ADAD1: variants seen among roughly 807,000 people sequenced by gnomAD.
ADAD1 encodes the protein adenosine deaminase domain-containing protein 1.
In ADAD1, 46 loss-of-function variants were observed where a neutral mutation model predicts 66.8. The ratio of observed to expected loss-of-function variants is 0.69; its 90% CI spans 0.54 to 0.88. The LOEUF (loss-of-function observed/expected upper bound fraction) is 0.88, where lower values mean the gene tolerates loss of function less well. ADAD1 is among the 40% of genes least tolerant of loss of function. The pLI is 0.00. For synonymous variants in ADAD1, 248 were observed against 229.4 expected (o/e 1.08, Z -0.73); for missense variants, 617 against 681.8 (o/e 0.91, Z 1.06).
chr4:122,396,752 T>A (rs1795737643), intron 7 of ADAD1, among the ~76,000 whole-genome samples: 1 of 152,218 alleles, frequency 6.6e-6, no homozygotes, highest in Non-Finnish European at 1.5e-5. Context: ...TGTTTTTATC[T>A]TGTGTTAACG....
chr4:122,423,553 T>C (rs1797105449), intron 12 of ADAD1, among the ~76,000 whole-genome samples: 3 of 152,186 alleles, frequency 2.0e-5, no homozygotes, highest in Admixed American at 2.0e-4. Flanking sequence ...GCTTAATGTG[T>C]TGATTTCTTA....
chr4:122,384,343 G>C (rs984284952), intron 5 of ADAD1, among the ~76,000 whole-genome samples: 11 of 152,136 alleles, frequency 7.2e-5, no homozygotes, highest in Non-Finnish European at 7.3e-5. Flanking sequence ...TCAGTAAATG[G>C]TAGAATTACT....
At chr4:122,388,369 A>G (rs536719321) in intron 5 of ADAD1, among the ~76,000 whole-genome samples, 1 of 152,310 alleles carries the variant, frequency 6.6e-6, no homozygotes, top group Non-Finnish European at 1.5e-5. Context: ...TATCAGGATG[A>G]TGCTGGCTTC....
intron 7 of ADAD1, among the ~76,000 whole-genome samples, chr4:122,402,638 A>C (rs1796031783): frequency 1.3e-5 from 2 of 151,928 alleles, no homozygotes; most frequent in Admixed American, 1.3e-4. Context: ...CATAGTTATT[A>C]TGTTTAGTCA....
At chr4:122,413,998 T>C (rs1363069044) in intron 10 of ADAD1, among the ~76,000 whole-genome samples, 4 of 150,140 alleles carry the variant, frequency 2.7e-5, no homozygotes, top group Non-Finnish European at 5.9e-5. Context: ...TTTTCAATTA[T>C]ATGGTATAAT....
Position 122,393,650 on chromosome 4 carries a change from A to G in ADAD1, c.591A>G (p.Val197=), listed in dbSNP as rs755615372. The change falls in exon 6 of 13, where the codon GTA becomes GTG. Residue 197 remains valine, a synonymous_variant. Transcript: ENST00000296513. ...CTGAACTAGCATATGTTTCAAAAGT[A>G]CATTATGGTAGGAAAGTTTTTTGTG... ...VLSELAYVSK[V]HYEGRHIQYA... is the part of the protein sequence containing the mutation. 4 of 1,595,482 alleles carry G rather than the reference A, an allele frequency of 2.5e-6. No individual in the cohort carries two copies. Among genetic ancestry groups the G allele is most frequent in the Admixed American group, 1.8e-5 (1 of 56,976 alleles).
chr4:122,380,487 C>A, intron 3 of ADAD1: 1 of 483,638 alleles, frequency 2.1e-6, no homozygotes, highest in Non-Finnish European at 3.6e-6. Flanking sequence ...GTGTGGCTTG[C>A]CTTTCTGAGG....
At chr4:122,411,502 TC>T in intron 9 of ADAD1, 110 bp downstream of exon 9, 1 of 1,144,574 alleles carries the variant, frequency 8.7e-7, no homozygotes, top group South Asian at 1.6e-5. Context: ...TATTTTCTCT[TC>T]AGCTTTGAGT....
Position 122,415,531 on chromosome 4 carries a change from G to C in ADAD1, c.1402G>C (p.Glu468Gln), listed in dbSNP as rs1796691231. 1 of 1,613,896 alleles carries C rather than the reference G, an allele frequency of 6.2e-7. No individual in the cohort carries two copies. The highest frequency in any genetic ancestry group is 8.5e-7 in the Non-Finnish European group (1 of 1,179,852). ...TGCATATCCCCTTCAAATGAACTTGGAATATAAATTTCTGAGTCTGAATTG... is the reference window on the plus strand; with the variant it reads ...TGCATATCCCCTTCAAATGAACTTGCAATATAAATTTCTGAGTCTGAATTG... ...PSAYPLQMNLEYKFLSLNWAQ... is the reference protein window; with the variant it reads ...PSAYPLQMNLQYKFLSLNWAQ... Residue 468 changes from glutamate to glutamine, a missense_variant, in exon 11 of 13, where the codon GAA becomes CAA. Glu to Gln is a conservative substitution (Grantham distance 29). Coordinates refer to ENST00000296513, the MANE Select transcript of ADAD1 (RefSeq NM_139243.4).
chr4:122,427,714 T>G (rs1179906901), intron 12 of ADAD1, among the ~76,000 whole-genome samples: 1 of 151,632 alleles, frequency 6.6e-6, no homozygotes, highest in Non-Finnish European at 1.5e-5. Context: ...TTTTGTATCT[T>G]TAGTAGAGAT....
chr4:122,392,549 CT>C (rs1197384097), intron 5 of ADAD1, among the ~76,000 whole-genome samples: 1 of 152,130 alleles, frequency 6.6e-6, no homozygotes, highest in Admixed American at 6.5e-5. Context: ...ATGCTGTGGA[CT>C]ACTAAAGGGT....
intron 7 of ADAD1, among the ~76,000 whole-genome samples, chr4:122,402,022 T>G (rs1374269106): frequency 6.6e-6 from 1 of 151,924 alleles, no homozygotes; most frequent in Non-Finnish European, 1.5e-5. Context: ...TACTGTTCTA[T>G]TCATCATAGT....
At chr4:122,428,154 A>G (rs903156243) in intron 12 of ADAD1, among the ~76,000 whole-genome samples, 3 of 152,166 alleles carry the variant, frequency 2.0e-5, no homozygotes, top group African/African-American at 7.2e-5. Flanking sequence ...TAACTGTAAG[A>G]GCTAAAACTA....
chr4:122,384,604 A>G (rs998367233), intron 5 of ADAD1, among the ~76,000 whole-genome samples: 1 of 152,174 alleles, frequency 6.6e-6, no homozygotes, highest in Non-Finnish European at 1.5e-5. Context: ...TATTTAAAAT[A>G]CTTTGTTGAA....
intron 10 of ADAD1, 50 bp from the exon 11 acceptor site, chr4:122,415,329 T>TA (rs1291292280): frequency 1.5e-6 from 2 of 1,366,668 alleles, no homozygotes; most frequent in Non-Finnish European, 2.0e-6. Context: ...TATTTTATTT[T>TA]GGGATGTTCT....
At chr4:122,423,253 G>A (rs1797088459) in intron 12 of ADAD1, among the ~76,000 whole-genome samples, 1 of 152,178 alleles carries the variant, frequency 6.6e-6, no homozygotes, top group African/African-American at 2.4e-5. Flanking sequence ...GGAAATTAAT[G>A]GGGAAAACTG....
intron 5 of ADAD1, among the ~76,000 whole-genome samples, chr4:122,391,406 C>T (rs915322109): frequency 2.6e-5 from 4 of 152,210 alleles, no homozygotes; most frequent in African/African-American, 7.2e-5. Flanking sequence ...GGGTGTGCTT[C>T]GCTGTGGAGA....
intron 4 of ADAD1, among the ~76,000 whole-genome samples, chr4:122,382,410 G>T (rs1362840637): frequency 6.6e-6 from 1 of 152,088 alleles, no homozygotes; most frequent in African/African-American, 2.4e-5. Flanking sequence ...AAGCTTAAAG[G>T]CTCCGCATTC....
At chr4:122,427,634 A>T (rs1302822664) in intron 12 of ADAD1, among the ~76,000 whole-genome samples, 3 of 137,772 alleles carry the variant, frequency 2.2e-5, no homozygotes, top group Non-Finnish European at 4.5e-5. Flanking sequence ...TTCTGGGTTC[A>T]AGTGATTCTC....
Sources: allele counts gnomAD v4.1 joint callset (sites outside exome capture counted in the v4.1 genomes callset), GRCh38; gene constraint gnomAD v4.1.1; transcripts MANE v1.5; gene names NCBI Gene and HGNC (gene_info 2026-07-23, HGNC 2026-07-21).